Variants in LRRC4C observed in about 807,000 individuals in gnomAD.
LRRC4C encodes the protein leucine rich repeat containing 4C, also known as leucine-rich repeat-containing protein 4C.
LRRC4C carries 5 observed loss-of-function variants against 33.6 expected under a neutral mutation model. The ratio of observed to expected loss-of-function variants is 0.15; its 90% CI spans 0.08 to 0.31. The LOEUF (loss-of-function observed/expected upper bound fraction) is 0.31, where lower values mean the gene tolerates loss of function less well. Among genes scored for constraint, LRRC4C ranks in the 10% least tolerant of loss-of-function variants. LRRC4C has a pLI of 1.00. For missense variants in LRRC4C, 560 were observed against 796.7 expected (o/e 0.70, Z 3.58); for synonymous variants, 329 against 302.0 (o/e 1.09, Z -0.93).
At chr11:40,914,093 T>A (rs1480970990) in intron 2 of LRRC4C, among the ~76,000 whole-genome samples, 1 of 152,108 alleles carries the variant, frequency 6.6e-6, no homozygotes, top group Non-Finnish European at 1.5e-5. Flanking sequence ...ACCAGATGGA[T>A]TCACAGCCAA....
chr11:41,393,819 G>C (rs1311875226), intron 1 of LRRC4C, among the ~76,000 whole-genome samples: 1 of 151,838 alleles, frequency 6.6e-6, no homozygotes, highest in Non-Finnish European at 1.5e-5. Context: ...ACAGCAACAG[G>C]GCATGCTTTC....
intron 1 of LRRC4C, among the ~76,000 whole-genome samples, chr11:41,085,275 C>T (rs1357672692): frequency 2.0e-5 from 3 of 152,108 alleles, no homozygotes; most frequent in African/African-American, 7.2e-5. Context: ...AAAGTAAACA[C>T]CACGTCATCT....
At chr11:40,930,004 T>G (rs1721107727) in intron 2 of LRRC4C, among the ~76,000 whole-genome samples, 1 of 152,128 alleles carries the variant, frequency 6.6e-6, no homozygotes, top group African/African-American at 2.4e-5. Context: ...TGACAGGAAA[T>G]AGCTGGCACT....
At chr11:40,504,706 TAC>T (rs1363930326) in intron 3 of LRRC4C, among the ~76,000 whole-genome samples, 1 of 152,200 alleles carries the variant, frequency 6.6e-6, no homozygotes, top group African/African-American at 2.4e-5. Flanking sequence ...TATAATTTCA[TAC>T]AGTTTTTTAT....
chr11:41,277,615 C>T (rs572620856), intron 1 of LRRC4C, among the ~76,000 whole-genome samples: 96 of 152,022 alleles, frequency 6.3e-4, no homozygotes, highest in Non-Finnish European at 1.2e-3. Flanking sequence ...TAGTACAAGC[C>T]CAAATGCTGA....
At chr11:40,876,260 G>GTTTTTTT (rs34351895) in intron 2 of LRRC4C, among the ~76,000 whole-genome samples, 11 of 91,286 alleles carry the variant, frequency 1.2e-4, no homozygotes, top group Non-Finnish European at 1.8e-4. Context: ...CTCAGTTAGG[G>GTTTTTTT]TTTTTTTTTT....
intron 5 of LRRC4C, among the ~76,000 whole-genome samples, chr11:40,211,915 G>A: frequency 6.6e-6 from 1 of 152,184 alleles, no homozygotes; most frequent in Non-Finnish European, 1.5e-5. Context: ...TGTTGGGACA[G>A]AGAGATGGAA....
intron 3 of LRRC4C, among the ~76,000 whole-genome samples, chr11:40,627,881 C>G (rs1287022032): frequency 1.3e-5 from 2 of 152,146 alleles, no homozygotes; most frequent in African/African-American, 2.4e-5. Context: ...ATAAGCAGTT[C>G]TGGTGAAAGA....
At chr11:41,412,446 T>C (rs764508095) in intron 1 of LRRC4C, among the ~76,000 whole-genome samples, 43 of 152,232 alleles carry the variant, frequency 2.8e-4, no homozygotes, top group Non-Finnish European at 6.0e-4. Context: ...ATGAACCTAT[T>C]GACAATGTTA....
At chr11:40,668,627 T>C (rs1160223101) in intron 2 of LRRC4C, among the ~76,000 whole-genome samples, 1 of 152,196 alleles carries the variant, frequency 6.6e-6, no homozygotes, top group Non-Finnish European at 1.5e-5. Context: ...CAAAGCTCTG[T>C]TTCTCACCAT....
chr11:40,886,309 A>T (rs1355335268), intron 2 of LRRC4C, among the ~76,000 whole-genome samples: 1 of 151,758 alleles, frequency 6.6e-6, no homozygotes, highest in Admixed American at 6.6e-5. Flanking sequence ...AAATAACCTG[A>T]ATATCTACTT....
chr11:41,091,663 A>C (rs1273085581), intron 1 of LRRC4C, among the ~76,000 whole-genome samples: 24 of 152,142 alleles, frequency 1.6e-4, no homozygotes, highest in Non-Finnish European at 2.9e-5. Context: ...CTACAATAAA[A>C]GTATAATAAA....
At chr11:41,021,486 G>T (rs182827663) in intron 1 of LRRC4C, among the ~76,000 whole-genome samples, 1 of 152,144 alleles carries the variant, frequency 6.6e-6, no homozygotes, top group East Asian at 1.9e-4. Flanking sequence ...ACCCTAAGTG[G>T]ATGCAAGATT....
intron 5 of LRRC4C, among the ~76,000 whole-genome samples, chr11:40,208,948 C>CGTGT (rs58767227): frequency 0.058 from 8,413 of 146,172 alleles, 422 homozygotes; most frequent in African/African-American, 0.14. Flanking sequence ...CTTTTGTGCA[C>CGTGT]GTGTGTGTGT....
chr11:40,353,466 C>A (rs147531125), intron 3 of LRRC4C, among the ~76,000 whole-genome samples: 2,219 of 152,178 alleles, frequency 0.015, 46 homozygotes, highest in African/African-American at 0.049. Context: ...GCCTGTAATT[C>A]TAGCACTTTG....
intron 1 of LRRC4C, among the ~76,000 whole-genome samples, chr11:41,077,688 G>A (rs758702223): frequency 2.0e-5 from 3 of 152,176 alleles, no homozygotes; most frequent in Non-Finnish European, 4.4e-5. Context: ...ATTTCCTGGA[G>A]ACATTTTCCC....
chr11:41,432,088 GT>G (rs1278833731), intron 1 of LRRC4C, among the ~76,000 whole-genome samples: 1 of 152,160 alleles, frequency 6.6e-6, no homozygotes, highest in Admixed American at 6.5e-5. Flanking sequence ...GTAATTTGCT[GT>G]TTTTAGAGCT....
intron 2 of LRRC4C, among the ~76,000 whole-genome samples, chr11:40,800,812 G>A (rs1431887579): frequency 6.6e-6 from 1 of 152,030 alleles, no homozygotes; most frequent in African/African-American, 2.4e-5. Context: ...TTTCATTGAT[G>A]TCCTATTGAA....
chr11:41,154,783 A>G (rs1317799325), intron 1 of LRRC4C, among the ~76,000 whole-genome samples: 1 of 152,108 alleles, frequency 6.6e-6, no homozygotes, highest in Non-Finnish European at 1.5e-5. Flanking sequence ...ATTCATTGGG[A>G]CTCGTTTTCT....
Sources: allele counts gnomAD v4.1 joint callset (sites outside exome capture counted in the v4.1 genomes callset), GRCh38; gene constraint gnomAD v4.1.1; transcripts MANE v1.5; gene names NCBI Gene and HGNC (gene_info 2026-07-23, HGNC 2026-07-21).